The following NUP85 variants were observed in gnomAD, a reference collection of about 807,000 sequenced individuals.
The protein encoded by NUP85 is nuclear pore complex protein Nup85.
In NUP85, 23 loss-of-function variants were observed where a neutral mutation model predicts 92.8. The observed-to-expected ratio is 0.25, with a 90% CI of 0.18 to 0.35. The LOEUF (loss-of-function observed/expected upper bound fraction) is 0.35, where lower values mean the gene tolerates loss of function less well. Among genes scored for constraint, NUP85 ranks in the 10% least tolerant of loss-of-function variants. The probability of loss-of-function intolerance (pLI) is 1.00; values close to 1 mark genes in which losing one functional copy is unlikely to be tolerated. For synonymous variants in NUP85, 314 were observed against 306.9 expected, an observed-to-expected ratio of 1.02 and a Z score of -0.24; for missense variants, 759 against 822.8, an observed-to-expected ratio of 0.92 and a Z score of 0.95.
Position 75,231,644 on chromosome 17 carries a change from A to G in NUP85, c.1244+6A>G, listed in dbSNP as rs772349233. On this transcript the variant is annotated splice_donor_region_variant and intron_variant, in intron 13 of 18. Coordinates refer to ENST00000245544, the MANE Select transcript of NUP85 (RefSeq NM_024844.5). The surrounding 1 kb of genome is among the most constrained non-coding windows in gnomAD (Gnocchi z 4.6). ...GGACTGTTTGCTCATCCCAGGTAGG[A>G]AGGACCCCATGGGTGTGGGCTATGC... 5 of 1,614,002 alleles carry G rather than the reference A, an allele frequency of 3.1e-6. No individual in the cohort carries two copies. Among genetic ancestry groups the G allele is most frequent in the Non-Finnish European group, 4.2e-6 (5 of 1,179,908 alleles).
chr17:75,209,811 G>A lies in NUP85; in HGVS notation c.128-12G>A, dbSNP rs781091540. ...AATAGATGTTAAATTTTTTTTTTCT[G>A]TTTGGTTTCAGAAAAATCAGAGATG... On this transcript the variant is annotated splice_polypyrimidine_tract_variant and intron_variant, in intron 2 of 18. Coordinates refer to ENST00000245544, the MANE Select transcript of NUP85 (RefSeq NM_024844.5). 1.1e-5 allele frequency: 18 copies of A among 1,565,898 alleles called. 1 individual carries two copies. The South Asian group carries it at 2.0e-4, about 18-fold the overall frequency.
intron 7 of NUP85, among the ~76,000 whole-genome samples, chr17:75,219,350 C>A (rs1020187472): frequency 6.6e-6 from 1 of 152,144 alleles, no homozygotes; most frequent in African/African-American, 2.4e-5. Flanking sequence ...GATCATGGCA[C>A]AATGCACCTT....
chr17:75,222,538 GCT>G (rs2075628081), intron 7 of NUP85, among the ~76,000 whole-genome samples: 1 of 73,992 alleles, frequency 1.4e-5, no homozygotes, highest in Non-Finnish European at 2.5e-5. Flanking sequence ...ATAGAGTTTT[GCT>G]CTTGTTGCCC....
chr17:75,214,310 A>G (rs1005981773), intron 5 of NUP85, among the ~76,000 whole-genome samples: 2 of 152,172 alleles, frequency 1.3e-5, no homozygotes, highest in Non-Finnish European at 2.9e-5. Context: ...TGAACAAGTC[A>G]TCATGGTGTC....
At position 75,232,955 on chromosome 17, in the gene NUP85, C is replaced by T. The variant is rs1373412379; in HGVS notation, c.1501C>T (p.Leu501Phe). ...IRAKDAAFAT[L>F]VSDRFLRDYC... ...TGCTAAGGATGCCGCCTTTGCCACG[C>T]TCGTGTCAGACAGGTGGGTGCCGCT... The change falls in exon 15 of 19, where the codon CTC becomes TTC. Residue 501 changes from leucine (L) to phenylalanine (F), a missense_variant. Leu to Phe is a conservative substitution (Grantham distance 22). Coordinates refer to ENST00000245544, the MANE Select transcript of NUP85 (RefSeq NM_024844.5). 25 of 1,614,124 alleles carry T rather than the reference C, an allele frequency of 1.5e-5. No homozygotes were observed. The highest frequency in any genetic ancestry group is 2.0e-5 in the Non-Finnish European group (24 of 1,179,926).
chr17:75,219,344 A>G (rs910183007), intron 7 of NUP85, among the ~76,000 whole-genome samples: 3 of 152,146 alleles, frequency 2.0e-5, no homozygotes, highest in Non-Finnish European at 2.9e-5. Flanking sequence ...TGATGCGATC[A>G]TGGCACAATG....
At chr17:75,235,071 A>C in intron 17 of NUP85, 29 bp from the exon 18 acceptor site, 1 of 1,582,920 alleles carries the variant, frequency 6.3e-7, no homozygotes, top group Non-Finnish European at 8.7e-7. Context: ...GGCTGGGGGC[A>C]GCCAAGCAAG....
intron 2 of NUP85, 75 bp from the exon 3 acceptor site, chr17:75,209,748 A>C: frequency 7.5e-7 from 1 of 1,338,374 alleles, no homozygotes; most frequent in Non-Finnish European, 9.9e-7. Flanking sequence ...GGCCACAGAA[A>C]ATTTTTTTAG....
intron 11 of NUP85, 151 bp downstream of exon 11, chr17:75,226,308 G>C: frequency 1.6e-6 from 1 of 626,550 alleles, no homozygotes; most frequent in Non-Finnish European, 2.8e-6. Flanking sequence ...GAATACCTGA[G>C]ACCAGATAAT....
chr17:75,226,196 G>T (rs1239608257), intron 11 of NUP85, 39 bp downstream of exon 11: 6 of 1,557,984 alleles, frequency 3.9e-6, no homozygotes, highest in Middle Eastern at 1.8e-4. Flanking sequence ...CCATTTTTAG[G>T]TGTACAAATA....
At chr17:75,205,920 C>A (rs2075064394) in intron 1 of NUP85, 126 bp downstream of exon 1, 1 of 1,121,082 alleles carries the variant, frequency 8.9e-7, no homozygotes, top group Non-Finnish European at 1.3e-6. Flanking sequence ...GACTCAGTTG[C>A]CACTTTTCCG....
At chr17:75,209,260 G>A (rs1322456158) in intron 2 of NUP85, among the ~76,000 whole-genome samples, 1 of 152,094 alleles carries the variant, frequency 6.6e-6, no homozygotes, top group African/African-American at 2.4e-5. Flanking sequence ...TCTGTAGGCT[G>A]AGCTGAGCCG....
intron 7 of NUP85, 139 bp from the exon 8 acceptor site, chr17:75,224,964 C>T (rs548679785): frequency 1.0e-4 from 78 of 759,442 alleles, no homozygotes; most frequent in Non-Finnish European, 1.4e-4. Context: ...TCATTCTTCC[C>T]AGGGCAGACT....
Position 75,235,643 on chromosome 17 carries a change from G to A in NUP85, c.1935G>A (p.Arg645=), listed in dbSNP as rs137975610. 6 of 1,614,046 alleles carry A rather than the reference G, an allele frequency of 3.7e-6. No individual in the cohort carries two copies. Among genetic ancestry groups the A allele is most frequent in the Non-Finnish European group, 5.1e-6 (6 of 1,179,922 alleles). The part of the protein sequence containing the change: ...LRLSLARNLA[R]AIIREGSLEG... ...TTTCTCTGGCACGAAATCTTGCTCG[G>A]GCAATTATAAGAGAAGGCTCACTGG... Residue 645 remains arginine, a synonymous_variant, in exon 19 of 19, where the codon CGG becomes CGA. Coordinates refer to ENST00000245544, the MANE Select transcript of NUP85 (RefSeq NM_024844.5).
chr17:75,210,199 G>T (rs1568066507), intron 3 of NUP85, among the ~76,000 whole-genome samples: 1 of 152,142 alleles, frequency 6.6e-6, no homozygotes, highest in Non-Finnish European at 1.5e-5. Flanking sequence ...GGCTTGACAA[G>T]CTTTATTTAT....
In NUP85 at chr17:75,230,936, A is replaced by ATTTTTT. The variant is rs35461721; in HGVS notation, c.1095-396_1095-391dup. On this transcript the variant is annotated intron_variant, in intron 11 of 18. Transcript: ENST00000245544. ...CTCCACCTCAACTACTTTCTGAGCG[A>ATTTTTT]TTTTTTTTTTTTTGAGATATGGTTG... Among the ~76,000 whole-genome samples the ATTTTTT allele has an allele frequency of 1.3e-4, 18 of 143,660 alleles. 1 individual carries two copies. Among genetic ancestry groups the ATTTTTT allele is most frequent in the Non-Finnish European group, 2.6e-4 (17 of 66,330 alleles). 94.2% of individuals were successfully genotyped at this position (143,660 alleles called of 152,430 possible). A position where few individuals can be genotyped will look rare whatever the true frequency, so the allele number is the denominator to read the frequency against.
intron 1 of NUP85, 112 bp downstream of exon 1, chr17:75,205,906 C>T (rs1262256580): frequency 4.5e-5 from 57 of 1,259,534 alleles, no homozygotes; most frequent in Non-Finnish European, 2.6e-5. Flanking sequence ...CGTCCCCTTC[C>T]CTCGACTCAG....
intron 11 of NUP85, among the ~76,000 whole-genome samples, chr17:75,230,092 G>T (rs2075987607): frequency 6.8e-6 from 1 of 148,006 alleles, no homozygotes; most frequent in African/African-American, 2.5e-5. Context: ...CACTCAGGCT[G>T]GAGTGCAGTG....
chr17:75,228,316 T>C (rs1486763659), intron 11 of NUP85: 1 of 985,200 alleles, frequency 1.0e-6, no homozygotes, highest in East Asian at 1.1e-4. Context: ...AGACAAGGAA[T>C]GATTAGGCTT....
Sources: gnomAD v4.1 joint callset for allele counts (sites outside exome capture counted in the v4.1 genomes callset) on GRCh38, gnomAD v4.1.1 for gene constraint, Gnocchi (gnomAD v3.1) non-coding constraint, MANE v1.5 for transcripts, NCBI Gene and HGNC (gene_info 2026-07-23, HGNC 2026-07-21) for gene names.